The following ERBIN variants were observed in gnomAD, a reference collection of about 807,000 sequenced individuals.
ERBIN encodes erbb2 interacting protein, also known as densin-180-like protein.
Under a neutral mutation model 158.4 loss-of-function variants are expected in ERBIN, and 60 were observed. The ratio of observed to expected loss-of-function variants is 0.38; its 90% CI spans 0.31 to 0.47. The LOEUF is 0.47. ERBIN is among the 20% of genes least tolerant of loss of function. The pLI, the probability that ERBIN is intolerant of heterozygous loss-of-function variation, is 0.99. For missense variants in ERBIN, 1,610 were observed against 1,648.0 expected (o/e 0.98, Z 0.40); for synonymous variants, 594 against 557.2 (o/e 1.07, Z -0.93).
intron 1 of ERBIN, among the ~76,000 whole-genome samples, chr5:65,954,836 T>TGG (rs2150934709): frequency 6.6e-6 from 1 of 150,644 alleles, no homozygotes; most frequent in East Asian, 2.0e-4. Context: ...GAGGCCGAGG[T>TGG]GGGGGATCAC....
chr5:66,075,326 CGTA>C (rs1761888185), intron 23 of ERBIN, 96 bp downstream of exon 23: 5 of 990,692 alleles, frequency 5.0e-6, no homozygotes, highest in African/African-American at 1.7e-5. Context: ...AGAATATTAA[CGTA>C]GTTATTACCA....
At chr5:66,023,513 C>T (rs1009587206) in intron 9 of ERBIN, 149 bp downstream of exon 9, 1 of 500,528 alleles carries the variant, frequency 2.0e-6, no homozygotes, top group Non-Finnish European at 3.5e-6. Context: ...TTCATGAGCA[C>T]ATTCTTGATT....
chr5:66,078,357 T>C lies in ERBIN; in HGVS notation c.4132-66T>C, dbSNP rs1034740375. On this transcript the variant is annotated intron_variant, in intron 25 of 25. Coordinates refer to ENST00000284037, the MANE Select transcript of ERBIN (RefSeq NM_001253697.2). ...CTTATTTTCTTCCAAGTTTGTGAAC[T>C]ACTTGGCAGAAATGCAAATAAATAA... 3.0e-5 allele frequency: 30 copies of C among 989,446 alleles called. No individual in the cohort carries two copies. The African/African-American group carries it at 4.1e-4, about 14-fold the overall frequency. 61.3% of individuals were successfully genotyped at this position (989,446 alleles called of 1,614,324 possible).
At chr5:65,952,413 T>A (rs2150927067) in intron 1 of ERBIN, among the ~76,000 whole-genome samples, 1 of 152,176 alleles carries the variant, frequency 6.6e-6, no homozygotes, top group Admixed American at 6.5e-5. Flanking sequence ...CAGTGGCTAT[T>A]CATAGGCATG....
At chr5:65,958,614 G>GGA (rs1251629098) in intron 1 of ERBIN, among the ~76,000 whole-genome samples, 3 of 134,816 alleles carry the variant, frequency 2.2e-5, no homozygotes, top group African/African-American at 1.0e-4. Flanking sequence ...GACCGTGGAA[G>GGA]GAGAGGGAGA....
At chr5:65,957,891 C>T (rs1747402800) in intron 1 of ERBIN, among the ~76,000 whole-genome samples, 2 of 151,740 alleles carry the variant, frequency 1.3e-5, no homozygotes, top group Non-Finnish European at 2.9e-5. Context: ...GCACTCCTCA[C>T]TTCTCAGCCG....
chr5:66,048,337 C>T (rs1303372595), intron 18 of ERBIN, among the ~76,000 whole-genome samples: 1 of 151,826 alleles, frequency 6.6e-6, no homozygotes, highest in African/African-American at 2.4e-5. Context: ...TAGAGTGTTA[C>T]TCTAATTCAT....
chr5:66,048,787 A>G lies in ERBIN; in HGVS notation c.1903+6A>G. The G allele has an allele frequency of 6.5e-7, 1 of 1,527,374 alleles. No homozygotes were observed. Among genetic ancestry groups the G allele is most frequent in the Non-Finnish European group, 8.9e-7 (1 of 1,125,884 alleles). 94.6% of individuals were successfully genotyped at this position (1,527,374 alleles called of 1,614,324 possible). On this transcript the variant is annotated splice_donor_region_variant and intron_variant, in intron 19 of 25. Transcript: ENST00000284037. ...ACTTAGTAATAACAAAAAAGGTTAG[A>G]TGTTAAAGGAAAGTGCTAAGAATAG...
At chr5:65,940,381 C>T (rs1170475665) in intron 1 of ERBIN, among the ~76,000 whole-genome samples, 14 of 146,452 alleles carry the variant, frequency 9.6e-5, no homozygotes, top group Admixed American at 9.3e-4. Flanking sequence ...TGAGGAGCAT[C>T]TCCGCCCGGC....
At chr5:66,021,458 T>G (rs1390586195) in intron 8 of ERBIN, 73 bp downstream of exon 8, 1 of 1,122,116 alleles carries the variant, frequency 8.9e-7, no homozygotes, top group East Asian at 2.6e-5. Context: ...AATTAATGTA[T>G]TTCTCTTACA....
At position 66,053,820 on chromosome 5, in the gene ERBIN, T is replaced by C; in HGVS notation, c.2502T>C (p.Asn834=). Residue 834 remains asparagine (N), a synonymous_variant, in exon 21 of 26, where the codon AAT becomes AAC. Transcript: ENST00000284037. The part of the protein sequence containing the change: ...GHSEETSQSP[N]RTEPHDSDCS... Reference sequence around the variant, plus strand: ...CTGAGGAAACTTCCCAGTCTCCTAATAGGACTGAACCACATGACAGTGATT... The same window carrying C: ...CTGAGGAAACTTCCCAGTCTCCTAACAGGACTGAACCACATGACAGTGATT... 1 of 1,614,078 alleles carries C rather than the reference T, an allele frequency of 6.2e-7. No homozygotes were observed. Among genetic ancestry groups the C allele is most frequent in the Non-Finnish European group, 8.5e-7 (1 of 1,180,018 alleles).
chr5:66,062,370 C>T (rs1374056250), intron 21 of ERBIN, among the ~76,000 whole-genome samples: 3 of 152,208 alleles, frequency 2.0e-5, no homozygotes, highest in Admixed American at 6.5e-5. Flanking sequence ...ACATAGTTCT[C>T]GTGCTGTGGT....
chr5:65,968,023 C>T (rs570769218), intron 1 of ERBIN, among the ~76,000 whole-genome samples: 104 of 152,278 alleles, frequency 6.8e-4, no homozygotes, highest in Non-Finnish European at 1.2e-3. Flanking sequence ...TTATCCTAGC[C>T]TTGGACGTCA....
intron 2 of ERBIN, among the ~76,000 whole-genome samples, chr5:65,991,609 CT>C (rs1291569902): frequency 1.3e-5 from 2 of 152,074 alleles, no homozygotes; most frequent in Non-Finnish European, 2.9e-5. Context: ...GATTTTTAAA[CT>C]TTTATTTCTT....
In ERBIN at chr5:66,012,151, ATTAC is replaced by A. The variant is rs757195854; in HGVS notation, c.386+27_386+30del. 9.5e-6 allele frequency: 14 copies of A among 1,480,350 alleles called. 1 individual carries two copies. The South Asian group carries it at 1.8e-4, about 19-fold the overall frequency. 91.7% of individuals were successfully genotyped at this position (1,480,350 alleles called of 1,614,324 possible). On this transcript the variant is annotated intron_variant, in intron 5 of 25. Transcript: ENST00000284037. ...AAGTAAGTTCTCAGGTGAATTATAA[ATTAC>A]TTTTGTGAATAAAACAATTATGAAA... is the stretch of plus-strand genomic sequence containing the variant.
intron 1 of ERBIN, among the ~76,000 whole-genome samples, chr5:65,959,188 GT>G (rs929688196): frequency 6.7e-5 from 10 of 148,826 alleles, no homozygotes; most frequent in Admixed American, 1.3e-4. Flanking sequence ...GGTGTTACCA[GT>G]TTTTTTTTTA....
At chr5:66,015,923 A>G (rs796777345) in intron 7 of ERBIN, among the ~76,000 whole-genome samples, 3 of 152,238 alleles carry the variant, frequency 2.0e-5, no homozygotes, top group Admixed American at 6.5e-5. Context: ...CTCAGCTTCT[A>G]TGACACATTT....
In ERBIN at chr5:66,012,881, C is replaced by G. The variant is rs1342184881; in HGVS notation, c.387-668C>G. Among the ~76,000 whole-genome samples, 4 of 152,120 alleles carry G rather than the reference C, an allele frequency of 2.6e-5. No homozygotes were observed. In the East Asian group the frequency reaches 5.8e-4, roughly 22 times the overall value. ...CGTCATTCAGCTTTAAATGTTTTTT[C>G]TTTTCATTTGCTTATTATAAAATCG... On this transcript the variant is annotated intron_variant, in intron 5 of 25. Coordinates refer to ENST00000284037, the MANE Select transcript of ERBIN (RefSeq NM_001253697.2).
rs1746462064 is a variant in ERBIN, at chr5:65,951,166, ATG to A, written c.-58+24361_-58+24362del. Reference sequence around the variant, plus strand: ...TTTTTCAAGTGAACCTAAAATTGGTATGATGAGGGGATGCTAATTCTAAAGAC... The same window carrying A: ...TTTTTCAAGTGAACCTAAAATTGGTAATGAGGGGATGCTAATTCTAAAGAC... On this transcript the variant is annotated intron_variant, in intron 1 of 25. Transcript: ENST00000284037. 2.6e-5 allele frequency among the ~76,000 whole-genome samples: 4 copies of A among 152,316 alleles called. No individual in the cohort carries two copies. In the South Asian group the frequency reaches 8.3e-4, roughly 32 times the overall value.
Sources: allele counts gnomAD v4.1 joint callset (sites outside exome capture counted in the v4.1 genomes callset), GRCh38; gene constraint gnomAD v4.1.1; transcripts MANE v1.5; gene names NCBI Gene and HGNC (gene_info 2026-07-23, HGNC 2026-07-21).